The following MRPL15 variants were observed in gnomAD, a reference collection of about 807,000 sequenced individuals.
MRPL15 encodes the protein mitochondrial ribosomal protein L15.
MRPL15 carries 24 observed loss-of-function variants against 28.0 expected under a neutral mutation model. The observed-to-expected ratio is 0.86, with a 90% CI of 0.62 to 1.21. The LOEUF is 1.21. MRPL15 is among the 50% of genes most tolerant of loss of function. The probability of loss-of-function intolerance (pLI) is 0.00; values close to 1 mark genes in which losing one functional copy is unlikely to be tolerated. For synonymous variants in MRPL15, 124 were observed against 137.0 expected, an observed-to-expected ratio of 0.90 and a Z score of 0.66; for missense variants, 343 against 372.4, an observed-to-expected ratio of 0.92 and a Z score of 0.65.
At chr8:54,147,245 AT>A in intron 4 of MRPL15, 136 bp from the exon 5 acceptor site, 2 of 678,790 alleles carry the variant, frequency 2.9e-6, no homozygotes, top group East Asian at 5.8e-5. Context: ...AAAAAAAATA[AT>A]AAAAATTAAT....
At chr8:54,142,039 G>A (rs1810935588) in intron 3 of MRPL15, among the ~76,000 whole-genome samples, 1 of 152,072 alleles carries the variant, frequency 6.6e-6, no homozygotes, top group Non-Finnish European at 1.5e-5. Flanking sequence ...TTAAGAGACG[G>A]GGTTTCACCA....
chr8:54,138,041 G>A (rs6473912), intron 3 of MRPL15, among the ~76,000 whole-genome samples: 7,930 of 151,106 alleles, frequency 0.052, 690 homozygotes, highest in African/African-American at 0.18. Context: ...TGCAACCTCT[G>A]CCTCCTGGGT....
intron 3 of MRPL15, among the ~76,000 whole-genome samples, chr8:54,139,504 G>T (rs1810883922): frequency 6.6e-6 from 1 of 152,138 alleles, no homozygotes; most frequent in Non-Finnish European, 1.5e-5. Flanking sequence ...ATTCTACCCT[G>T]AGTGTATATA....
chr8:54,141,699 C>A (rs991787078), intron 3 of MRPL15, among the ~76,000 whole-genome samples: 1 of 152,136 alleles, frequency 6.6e-6, no homozygotes, highest in Non-Finnish European at 1.5e-5. Flanking sequence ...CACATCCTCC[C>A]ATATACTTTA....
chr8:54,143,205 G>A (rs1051763275), intron 4 of MRPL15, among the ~76,000 whole-genome samples: 20 of 151,948 alleles, frequency 1.3e-4, no homozygotes, highest in Non-Finnish European at 2.8e-4. Flanking sequence ...CTCAGTCACC[G>A]GAGTAGCTGG....
In MRPL15 at chr8:54,137,443, G is replaced by A; in HGVS notation, c.429+10G>A. Reference sequence around the variant, plus strand: ...CCAGCTGGTTGAGGAGGTAAGTCTTGATTAGATCTTTTGGTGTTATATAGG... The same window carrying A: ...CCAGCTGGTTGAGGAGGTAAGTCTTAATTAGATCTTTTGGTGTTATATAGG... On this transcript the variant is annotated intron_variant, in intron 3 of 4. Transcript: ENST00000260102. 6.2e-7 allele frequency: 1 copy of A among 1,612,168 alleles called. No individual in the cohort carries two copies. The highest frequency in any genetic ancestry group is 8.5e-7 in the Non-Finnish European group (1 of 1,179,418).
chr8:54,142,439 A>G (rs1293329796), intron 3 of MRPL15, among the ~76,000 whole-genome samples: 1 of 152,216 alleles, frequency 6.6e-6, no homozygotes, highest in East Asian at 1.9e-4. Context: ...TACAGGCGTG[A>G]ACCACTGCGC....
In MRPL15 at chr8:54,147,790, T is replaced by C. The variant is rs949206554; in HGVS notation, c.*71T>C. ...GGCTGAAGGATCTATATTCCCTTATTGCATTTTCCTTATGTATAATTTTCC... is the reference window on the plus strand; with the variant it reads ...GGCTGAAGGATCTATATTCCCTTATCGCATTTTCCTTATGTATAATTTTCC... On this transcript the variant is annotated 3_prime_UTR_variant, in exon 5 of 5. Transcript: ENST00000260102. 1.4e-5 allele frequency: 19 copies of C among 1,314,490 alleles called. No homozygotes were observed. Among genetic ancestry groups the C allele is most frequent in the Non-Finnish European group, 2.0e-5 (19 of 961,680 alleles). The allele number at this position is 1,314,490 out of a possible 1,614,324, so 81.4% of individuals were successfully genotyped here. A position where few individuals can be genotyped will look rare whatever the true frequency, so the allele number is the denominator to read the frequency against.
intron 4 of MRPL15, among the ~76,000 whole-genome samples, chr8:54,143,492 A>G (rs1053816529): frequency 6.6e-6 from 1 of 152,076 alleles, no homozygotes; most frequent in African/African-American, 2.4e-5. Flanking sequence ...GCCCTCATAA[A>G]TCTTTTGAGT....
intron 4 of MRPL15, among the ~76,000 whole-genome samples, chr8:54,145,385 G>C (rs1811025058): frequency 6.6e-6 from 1 of 151,820 alleles, no homozygotes; most frequent in African/African-American, 2.4e-5. Flanking sequence ...TGGCTAATTT[G>C]ATTTTTATAA....
At position 54,136,578 on chromosome 8, in the gene MRPL15, G is replaced by A. The variant is rs764346805; in HGVS notation, c.176G>A (p.Arg59Lys). The A allele has an allele frequency of 6.8e-6, 11 of 1,614,134 alleles. No homozygotes were observed. The Admixed American group carries it at 1.8e-4, about 27-fold the overall frequency. ...AGAGGCCATAAAGGAGAAAGGCAAA[G>A]AGGAACCCGGCCCCGCTTGGGCTTT... The part of the protein sequence containing the change: ...CGRGHKGERQ[R>K]GTRPRLGFEG... The change falls in exon 2 of 5, where the codon AGA (arginine) becomes AAA (lysine). Residue 59 changes from arginine to lysine, a missense_variant. Physicochemically the swap from Arg to Lys is conservative, Grantham distance 26 (BLOSUM62 2). Transcript: ENST00000260102.
At chr8:54,135,449 C>G in intron 1 of MRPL15, 58 bp downstream of exon 1, 2 of 1,413,972 alleles carry the variant, frequency 1.4e-6, no homozygotes, top group Admixed American at 2.3e-5. Flanking sequence ...GAAAGCGGCC[C>G]TTCTCTCCCT....
intron 1 of MRPL15, 82 bp from the exon 2 acceptor site, chr8:54,136,429 C>T: frequency 6.8e-7 from 1 of 1,461,766 alleles, no homozygotes; most frequent in Non-Finnish European, 9.3e-7. Flanking sequence ...GATGAATGAA[C>T]AGCATAACAA....
intron 1 of MRPL15, 80 bp from the exon 2 acceptor site, chr8:54,136,431 G>A (rs1020593346): frequency 2.0e-6 from 3 of 1,477,552 alleles, no homozygotes; most frequent in South Asian, 1.3e-5. Context: ...TGAATGAACA[G>A]CATAACAAAA....
At chr8:54,139,523 C>T (rs1347416256) in intron 3 of MRPL15, among the ~76,000 whole-genome samples, 1 of 152,156 alleles carries the variant, frequency 6.6e-6, no homozygotes, top group East Asian at 1.9e-4. Context: ...TAAAGAAATA[C>T]ACATGTAACT....
At chr8:54,145,092 C>T (rs1031484694) in intron 4 of MRPL15, among the ~76,000 whole-genome samples, 1 of 152,186 alleles carries the variant, frequency 6.6e-6, no homozygotes, top group Non-Finnish European at 1.5e-5. Flanking sequence ...TCTGCAGCAG[C>T]TCTGCAGGTT....
At chr8:54,138,301 C>CTTTTTTTT (rs71254537) in intron 3 of MRPL15, among the ~76,000 whole-genome samples, 2 of 57,006 alleles carry the variant, frequency 3.5e-5, no homozygotes, top group Admixed American at 2.7e-4. Flanking sequence ...TCAGGAAGAT[C>CTTTTTTTT]TTTTTTTTTT....
intron 3 of MRPL15, among the ~76,000 whole-genome samples, chr8:54,139,764 T>G (rs1810888121): frequency 6.6e-6 from 1 of 152,188 alleles, no homozygotes; most frequent in South Asian, 2.1e-4. Context: ...AGCACAAAAT[T>G]ATCAATTTGG....
At position 54,147,662 on chromosome 8, in the gene MRPL15, C is replaced by T. The variant is rs187322525; in HGVS notation, c.834C>T (p.Ala278=). The T allele has an allele frequency of 2.9e-5, 47 of 1,613,914 alleles. No individual in the cohort carries two copies. The Middle Eastern group carries it at 2.3e-3, about 79-fold the overall frequency. Residue 278 remains alanine (A), a synonymous_variant, in exon 5 of 5, where the codon GCC becomes GCT. Transcript: ENST00000260102. Reference sequence around the variant, plus strand: ...CTCCAGGATGGGTGGTGAATATGGCCGATAAGAAAATCCTAAAACCTACAG... The same window carrying T: ...CTCCAGGATGGGTGGTGAATATGGCTGATAAGAAAATCCTAAAACCTACAG... ...GLAPGWVVNM[A]DKKILKPTDE...
Sources: gnomAD v4.1 joint callset for allele counts (sites outside exome capture counted in the v4.1 genomes callset) on GRCh38, gnomAD v4.1.1 for gene constraint, MANE v1.5 for transcripts, NCBI Gene and HGNC (gene_info 2026-07-23, HGNC 2026-07-21) for gene names.